The following TRAPPC6B variants were observed in gnomAD, a reference collection of about 807,000 sequenced individuals.
TRAPPC6B encodes the protein TRAPP complex subunit 6B.
A neutral mutation model predicts 24.7 loss-of-function variants in TRAPPC6B; 27 were observed. The observed-to-expected ratio is 1.09, with a 90% confidence interval of 0.81 to 1.51. The LOEUF is 1.51. Among genes scored for constraint, TRAPPC6B ranks in the 40% most tolerant of loss-of-function variants. The pLI is 0.00. For missense variants in TRAPPC6B, 212 were observed against 190.8 expected (o/e 1.11, Z -0.66); for synonymous variants, 80 against 66.6 (o/e 1.20, Z -0.98).
intron 4 of TRAPPC6B, among the ~76,000 whole-genome samples, chr14:39,153,393 C>A (rs2052937554): frequency 6.6e-6 from 1 of 151,740 alleles, no homozygotes; most frequent in Non-Finnish European, 1.5e-5. Flanking sequence ...ACTGGGAGGC[C>A]GAGGTGAGGT....
At chr14:39,158,088 C>A (rs1385017139) in intron 3 of TRAPPC6B, among the ~76,000 whole-genome samples, 197 bp downstream of exon 3, 1 of 152,134 alleles carries the variant, frequency 6.6e-6, no homozygotes, top group East Asian at 1.9e-4. Context: ...AAAGGAACAG[C>A]TATCATTACT....
chr14:39,153,658 A>G (rs2052941293), intron 4 of TRAPPC6B, among the ~76,000 whole-genome samples: 1 of 150,806 alleles, frequency 6.6e-6, no homozygotes, highest in Non-Finnish European at 1.5e-5. Context: ...GATCTACCAT[A>G]CATCTACATT....
intron 2 of TRAPPC6B, chr14:39,159,278 T>G (rs927641916): frequency 3.7e-6 from 1 of 273,232 alleles, no homozygotes; most frequent in Non-Finnish European, 6.7e-6. Context: ...ATATAAAATA[T>G]ATATTTTCTT....
At chr14:39,162,186 A>C (rs998551684) in intron 1 of TRAPPC6B, among the ~76,000 whole-genome samples, 1 of 152,190 alleles carries the variant, frequency 6.6e-6, no homozygotes, top group Non-Finnish European at 1.5e-5. Context: ...TTATTTGACA[A>C]GTCTTGCTCT....
intron 1 of TRAPPC6B, among the ~76,000 whole-genome samples, chr14:39,160,154 G>A (rs1326531467): frequency 6.6e-6 from 1 of 152,074 alleles, no homozygotes; most frequent in African/African-American, 2.4e-5. Flanking sequence ...AAACCACTTG[G>A]AAGGCCATCT....
In TRAPPC6B at chr14:39,158,475, T is replaced by C. The variant is rs1476658804; in HGVS notation, c.150-73A>G. 3.9e-6 allele frequency: 3 copies of C among 764,184 alleles called. No individual in the cohort carries two copies. The Admixed American group carries it at 8.1e-5, about 21-fold the overall frequency. 47.3% of individuals were successfully genotyped at this position (764,184 alleles called of 1,614,324 possible). A position where few individuals can be genotyped will look rare whatever the true frequency, so the allele number is the denominator to read the frequency against. ...GCAAGAGGGACTAATTATTAACTAA[T>C]TTCCAAATGCCAGAACAGCACTGAA... On this transcript the variant is annotated intron_variant, in intron 2 of 5. Coordinates refer to ENST00000330149, the MANE Select transcript of TRAPPC6B (RefSeq NM_001079537.2).
At chr14:39,168,375 GCA>G (rs2053130787) in intron 1 of TRAPPC6B, among the ~76,000 whole-genome samples, 1 of 152,070 alleles carries the variant, frequency 6.6e-6, no homozygotes. Flanking sequence ...GGCTAGCTTT[GCA>G]CAAACAGTAA....
At chr14:39,166,096 C>A (rs1307484891) in intron 1 of TRAPPC6B, among the ~76,000 whole-genome samples, 3 of 151,916 alleles carry the variant, frequency 2.0e-5, no homozygotes, top group Non-Finnish European at 4.4e-5. Flanking sequence ...GCCACCGTGT[C>A]CAGCCTCTTT....
chr14:39,167,454 T>G (rs2053119964), intron 1 of TRAPPC6B, among the ~76,000 whole-genome samples: 1 of 152,208 alleles, frequency 6.6e-6, no homozygotes, highest in South Asian at 2.1e-4. Flanking sequence ...AAATGGATTT[T>G]ATAGGTCTTT....
Position 39,170,068 on chromosome 14 carries a change from G to C in TRAPPC6B, c.28C>G (p.Leu10Val), listed in dbSNP as rs1447804956. 6.2e-7 allele frequency: 1 copy of C among 1,614,098 alleles called. No homozygotes were observed. Among genetic ancestry groups the C allele is most frequent in the East Asian group, 2.2e-5 (1 of 44,868 alleles). The stretch of plus-strand genomic sequence containing the variant: ...ACTCCAGACACCATCTCGTTATGGA[G>C]AAGCAAAAACAACGCCTCATCCGCC... MADEALFLLLHNEMVSGVYK... is the reference protein window; with the variant it reads MADEALFLLVHNEMVSGVYK... The change falls in exon 1 of 6, where the codon CTC becomes GTC. Residue 10 changes from leucine (L) to valine (V), a missense_variant. By Grantham distance (32) the Leu-to-Val change is conservative. Transcript: ENST00000330149.
At chr14:39,157,310 C>T (rs779200259) in intron 3 of TRAPPC6B, 10 of 373,414 alleles carry the variant, frequency 2.7e-5, no homozygotes, top group Admixed American at 1.9e-4. Flanking sequence ...AACCAGTTCA[C>T]CCAGGCCCTG....
At chr14:39,153,347 G>T (rs1245080488) in intron 4 of TRAPPC6B, among the ~76,000 whole-genome samples, 2 of 151,890 alleles carry the variant, frequency 1.3e-5, no homozygotes, top group Non-Finnish European at 2.9e-5. Flanking sequence ...AGGCAATCAG[G>T]CCGGATGCAG....
rs573758640 is a variant in TRAPPC6B, at chr14:39,148,699, A to G, written c.*1651T>C. The G allele has an allele frequency of 6.0e-5, 24 of 398,454 alleles. No homozygotes were observed. The highest frequency in any genetic ancestry group is 4.7e-4 in the African/African-American group (23 of 48,738). The allele number at this position is 398,454 out of a possible 1,614,324, so 24.7% of individuals were successfully genotyped here. A position where few individuals can be genotyped will look rare whatever the true frequency, so the allele number is the denominator to read the frequency against. Reference sequence around the variant, plus strand: ...ATGTATATTTGGTAGGAACTTTCCTAAATTTTTTCAAAATTAAAATTTTTT... The same window carrying G: ...ATGTATATTTGGTAGGAACTTTCCTGAATTTTTTCAAAATTAAAATTTTTT... On this transcript the variant is annotated 3_prime_UTR_variant, in exon 6 of 6. Transcript: ENST00000330149.
Position 39,158,280 on chromosome 14 carries a change from A to T in TRAPPC6B, c.267+5T>A, listed in dbSNP as rs2053009387. On this transcript the variant is annotated splice_donor_5th_base_variant and intron_variant, in intron 3 of 5. Transcript: ENST00000330149. Reference sequence around the variant, plus strand: ...TAAAATATAGGCCTTAATTAATTTAATTACCTGATGATTTGTCCTTAGATT... The same window carrying T: ...TAAAATATAGGCCTTAATTAATTTATTTACCTGATGATTTGTCCTTAGATT... 3 of 1,495,784 alleles carry T rather than the reference A, an allele frequency of 2.0e-6. No individual in the cohort carries two copies. In the South Asian group the frequency reaches 3.6e-5, roughly 18 times the overall value. 92.7% of individuals were successfully genotyped at this position (1,495,784 alleles called of 1,614,324 possible). A position where few individuals can be genotyped will look rare whatever the true frequency, so the allele number is the denominator to read the frequency against.
At chr14:39,165,952 C>CA (rs1425733172) in intron 1 of TRAPPC6B, among the ~76,000 whole-genome samples, 1 of 152,140 alleles carries the variant, frequency 6.6e-6, no homozygotes, top group Non-Finnish European at 1.5e-5. Context: ...TACATGCGTG[C>CA]ACCACCACAC....
Position 39,169,997 on chromosome 14 carries a change from T to G in TRAPPC6B, c.81+18A>C, listed in dbSNP as rs2139393624. ...GTGTCACCGCAAAAGGACCTCAAGG[T>G]TGTGTGGCAGCACTCACCACCTCCC... On this transcript the variant is annotated intron_variant, in intron 1 of 5. Transcript: ENST00000330149. 1 of 1,613,476 alleles carries G rather than the reference T, an allele frequency of 6.2e-7. No individual in the cohort carries two copies. The highest frequency in any genetic ancestry group is 8.5e-7 in the Non-Finnish European group (1 of 1,179,502).
chr14:39,167,570 T>C (rs965152373), intron 1 of TRAPPC6B, among the ~76,000 whole-genome samples: 4 of 152,286 alleles, frequency 2.6e-5, no homozygotes, highest in East Asian at 3.9e-4. Flanking sequence ...TTTTTCATGA[T>C]GAAAAATTTC....
intron 5 of TRAPPC6B, among the ~76,000 whole-genome samples, chr14:39,151,507 C>A (rs2052913245): frequency 2.0e-5 from 3 of 150,306 alleles, no homozygotes; most frequent in Admixed American, 1.3e-4. Context: ...GTTTGAATAA[C>A]TTTAGAAAAG....
At chr14:39,159,696 G>T in intron 1 of TRAPPC6B, 146 bp from the exon 2 acceptor site, 3 of 488,230 alleles carry the variant, frequency 6.1e-6, no homozygotes, top group Non-Finnish European at 1.0e-5. Flanking sequence ...TGAATTATAA[G>T]GTTGATTTTA....
Sources: gnomAD v4.1 joint callset for allele counts (sites outside exome capture counted in the v4.1 genomes callset) on GRCh38, gnomAD v4.1.1 for gene constraint, MANE v1.5 for transcripts, NCBI Gene and HGNC (gene_info 2026-07-23, HGNC 2026-07-21) for gene names.